PDE4B: variants seen among roughly 807,000 people sequenced by gnomAD.
PDE4B encodes phosphodiesterase 4B.
PDE4B carries 20 observed loss-of-function variants against 82.2 expected under a neutral mutation model. The observed-to-expected ratio is 0.24, with a 90% confidence interval of 0.17 to 0.35. The LOEUF is 0.35. PDE4B is among the 10% of genes least tolerant of loss of function. The pLI is 1.00. For missense variants in PDE4B, 655 were observed against 907.2 expected (o/e 0.72, Z 3.57); for synonymous variants, 320 against 318.9 (o/e 1.00, Z -0.04).
intron 9 of PDE4B, among the ~76,000 whole-genome samples, chr1:66,358,025 A>AG (rs2102014570): frequency 6.6e-6 from 1 of 152,330 alleles, no homozygotes; most frequent in South Asian, 2.1e-4. Context: ...TTATCCTGTG[A>AG]GCATGATGAA....
chr1:66,171,104 A>C (rs1646828553), intron 3 of PDE4B, among the ~76,000 whole-genome samples: 1 of 152,134 alleles, frequency 6.6e-6, no homozygotes, highest in African/African-American at 2.4e-5. Flanking sequence ...AGAGTTACTT[A>C]CTCTTAATTT....
chr1:66,369,688 A>G (rs1048987642), intron 16 of PDE4B, among the ~76,000 whole-genome samples: 5 of 152,216 alleles, frequency 3.3e-5, no homozygotes, highest in Admixed American at 2.6e-4. Context: ...TAGACTGTCC[A>G]AGATCTTTAT....
At position 65,828,111 on chromosome 1, in the gene PDE4B, C is replaced by T. The variant is rs561588968; in HGVS notation, c.-71+34863C>T. Among the ~76,000 whole-genome samples the T allele has an allele frequency of 1.3e-4, 20 of 151,796 alleles. No homozygotes were observed. The South Asian group carries it at 3.7e-3, about 28-fold the overall frequency. ...CTGAGAGAATTAATGGCTATCAAAT[C>T]GAATCTAGGAGGAATGTAAAGGAAT... On this transcript the variant is annotated intron_variant, in intron 1 of 16. Coordinates refer to ENST00000341517, the MANE Select transcript of PDE4B (RefSeq NM_002600.4).
At chr1:66,189,337 C>A (rs1241863659) in intron 3 of PDE4B, among the ~76,000 whole-genome samples, 1 of 152,060 alleles carries the variant, frequency 6.6e-6, no homozygotes, top group Non-Finnish European at 1.5e-5. Flanking sequence ...CGAGGAGTAT[C>A]TTTGTGGCAT....
chr1:65,797,368 G>A (rs1169948914), intron 1 of PDE4B, among the ~76,000 whole-genome samples: 1 of 152,100 alleles, frequency 6.6e-6, no homozygotes, highest in Non-Finnish European at 1.5e-5. Flanking sequence ...GTCATATTTT[G>A]GACATTTTAG....
intron 8 of PDE4B, among the ~76,000 whole-genome samples, chr1:66,348,585 C>G (rs1213142617): frequency 1.3e-5 from 2 of 150,910 alleles, no homozygotes; most frequent in African/African-American, 4.9e-5. Flanking sequence ...CTAAACTTAA[C>G]ATATATAATG....
At chr1:65,930,026 A>T (rs1472626918) in intron 3 of PDE4B, among the ~76,000 whole-genome samples, 1 of 152,210 alleles carries the variant, frequency 6.6e-6, no homozygotes, top group Non-Finnish European at 1.5e-5. Flanking sequence ...CTACTAGGAT[A>T]CAAAGTCCCA....
chr1:65,851,324 A>G (rs964815444), intron 1 of PDE4B, among the ~76,000 whole-genome samples: 11 of 151,984 alleles, frequency 7.2e-5, no homozygotes, highest in Admixed American at 5.9e-4. Flanking sequence ...GCATTTATAT[A>G]CACATTTTTT....
Position 66,122,703 on chromosome 1 carries a change from C to CTT in PDE4B, c.282-124739_282-124738dup, listed in dbSNP as rs3036785. On this transcript the variant is annotated intron_variant, in intron 3 of 16. Coordinates refer to ENST00000341517, the MANE Select transcript of PDE4B (RefSeq NM_002600.4). ...AGGATTTTTTTCTTTCTCTTCTTTT[C>CTT]TTTTTTTTTTTTTTTTTTTGAGACA... Among the ~76,000 whole-genome samples the CTT allele has an allele frequency of 6.7e-3, 752 of 111,916 alleles. 15 individuals carry two copies. Among genetic ancestry groups the CTT allele is most frequent in the Middle Eastern group, 0.023 (4 of 176 alleles). The allele number at this position is 111,916 out of a possible 152,430, so 73.4% of individuals were successfully genotyped here.
chr1:65,846,498 A>G (rs1646269960), intron 1 of PDE4B, among the ~76,000 whole-genome samples: 1 of 152,210 alleles, frequency 6.6e-6, no homozygotes, highest in South Asian at 2.1e-4. Context: ...AAGTTTCAGT[A>G]AGAACAATTT....
chr1:66,166,030 A>T (rs141707227), intron 3 of PDE4B, among the ~76,000 whole-genome samples: 47 of 152,310 alleles, frequency 3.1e-4, no homozygotes, highest in African/African-American at 1.1e-3. Context: ...TACTGACATA[A>T]GGTAGACATA....
intron 11 of PDE4B, 63 bp from the exon 12 acceptor site, chr1:66,363,344 A>G: frequency 6.4e-7 from 1 of 1,555,912 alleles, no homozygotes; most frequent in South Asian, 1.2e-5. Flanking sequence ...TACTTTTCTG[A>G]TTTAACTTTC....
chr1:66,007,745 T>A (rs891574976), intron 3 of PDE4B, among the ~76,000 whole-genome samples: 1 of 152,190 alleles, frequency 6.6e-6, no homozygotes, highest in Non-Finnish European at 1.5e-5. Flanking sequence ...AAATTCGCAT[T>A]TTAATTTTTT....
intron 3 of PDE4B, among the ~76,000 whole-genome samples, chr1:66,020,132 T>C (rs1211189650): frequency 3.9e-5 from 6 of 152,230 alleles, no homozygotes; most frequent in Non-Finnish European, 8.8e-5. Flanking sequence ...TCTATATTTT[T>C]ATAATGCCTA....
chr1:66,225,159 C>T lies in PDE4B; in HGVS notation c.282-22301C>T, dbSNP rs118169963. Among the ~76,000 whole-genome samples the T allele has an allele frequency of 0.013, 2,024 of 152,270 alleles. 94 individuals are homozygous for T. The East Asian group carries it at 0.15, about 11-fold the overall frequency. On this transcript the variant is annotated intron_variant, in intron 3 of 16. Coordinates refer to ENST00000341517, the MANE Select transcript of PDE4B (RefSeq NM_002600.4). Reference sequence around the variant, plus strand: ...ACATAAAAACATGACATTAAAGAAGCCTACATGGGCTCTGCAACCTCCTCC... The same window carrying T: ...ACATAAAAACATGACATTAAAGAAGTCTACATGGGCTCTGCAACCTCCTCC...
chr1:66,339,108 CA>C (rs1570724594), intron 8 of PDE4B, among the ~76,000 whole-genome samples: 1 of 151,728 alleles, frequency 6.6e-6, no homozygotes, highest in East Asian at 1.9e-4. Context: ...TTATATGCCA[CA>C]ACCTTTCCAA....
At chr1:65,957,171 G>C (rs575962259) in intron 3 of PDE4B, among the ~76,000 whole-genome samples, 1 of 150,702 alleles carries the variant, frequency 6.6e-6, no homozygotes, top group Non-Finnish European at 1.5e-5. Flanking sequence ...TCTTTCTGGT[G>C]CTTCTTGGTG....
intron 1 of PDE4B, among the ~76,000 whole-genome samples, chr1:65,868,654 G>T: frequency 6.6e-6 from 1 of 152,268 alleles, no homozygotes; most frequent in Middle Eastern, 3.4e-3. Context: ...ATAGCAGGGG[G>T]CCCCCAACCC....
chr1:66,210,481 G>A (rs1295236687), intron 3 of PDE4B, among the ~76,000 whole-genome samples: 5 of 150,774 alleles, frequency 3.3e-5, no homozygotes, highest in East Asian at 1.9e-4. Context: ...TTGTAGTCCC[G>A]GCTACTTGGG....
Sources: allele counts gnomAD v4.1 joint callset (sites outside exome capture counted in the v4.1 genomes callset), GRCh38; gene constraint gnomAD v4.1.1; transcripts MANE v1.5; gene names NCBI Gene and HGNC (gene_info 2026-07-23, HGNC 2026-07-21).